ROR1: variants seen among roughly 807,000 people sequenced by gnomAD.
The protein encoded by ROR1 is inactive tyrosine-protein kinase transmembrane receptor ROR1.
ROR1 carries 19 observed loss-of-function variants against 78.8 expected under a neutral mutation model. The observed-to-expected ratio is 0.24, with a 90% confidence interval of 0.17 to 0.35. The LOEUF (loss-of-function observed/expected upper bound fraction) is 0.35, where lower values mean the gene tolerates loss of function less well. ROR1 is among the 10% of genes least tolerant of loss of function. The pLI, the probability that ROR1 is intolerant of heterozygous loss-of-function variation, is 1.00. For synonymous variants in ROR1, 386 were observed against 433.6 expected (o/e 0.89, Z 1.36); for missense variants, 917 against 1,177.8 (o/e 0.78, Z 3.24).
intron 1 of ROR1, among the ~76,000 whole-genome samples, chr1:63,900,201 C>A (rs1480212077): frequency 6.6e-6 from 1 of 152,136 alleles, no homozygotes; most frequent in African/African-American, 2.4e-5. Context: ...TGCTTGTAAT[C>A]CCAGCACCTT....
intron 7 of ROR1, among the ~76,000 whole-genome samples, chr1:64,157,285 G>A (rs1557678119): frequency 6.6e-6 from 1 of 152,078 alleles, no homozygotes; most frequent in East Asian, 1.9e-4. Context: ...CTACAGACAT[G>A]CACCACCATG....
At chr1:64,017,453 T>G (rs952509104) in intron 2 of ROR1, among the ~76,000 whole-genome samples, 1 of 152,172 alleles carries the variant, frequency 6.6e-6, no homozygotes, top group Admixed American at 6.5e-5. Context: ...ATGAGGGATA[T>G]GGAATTCTAT....
At chr1:63,847,249 G>A (rs1174848791) in intron 1 of ROR1, among the ~76,000 whole-genome samples, 2 of 152,118 alleles carry the variant, frequency 1.3e-5, no homozygotes, top group African/African-American at 4.8e-5. Context: ...GGGACTTGGA[G>A]GAATTCTCCC....
intron 1 of ROR1, among the ~76,000 whole-genome samples, chr1:63,855,344 C>A (rs917734279): frequency 4.6e-5 from 7 of 152,132 alleles, no homozygotes; most frequent in African/African-American, 1.7e-4. Context: ...GTTTTCCCAT[C>A]AAGATTGTAA....
At chr1:63,955,976 A>C (rs930209674) in intron 1 of ROR1, among the ~76,000 whole-genome samples, 5 of 152,162 alleles carry the variant, frequency 3.3e-5, no homozygotes, top group African/African-American at 1.2e-4. Flanking sequence ...AGAAGGCAGA[A>C]GGGCAGCTGC....
intron 5 of ROR1, among the ~76,000 whole-genome samples, chr1:64,138,346 G>A (rs960766278): frequency 1.3e-5 from 2 of 152,134 alleles, no homozygotes; most frequent in African/African-American, 4.8e-5. Flanking sequence ...TTTAGTATAA[G>A]TATGTCATAA....
Position 64,010,044 on chromosome 1 carries a change from G to A in ROR1, c.163+668G>A, listed in dbSNP as rs1256230163. ...CTTTATGCATTTCCAGCCAAATTTC[G>A]ATTTCTTCTTATACATCCTGTGCTT... On this transcript the variant is annotated intron_variant, in intron 2 of 8. Coordinates refer to ENST00000371079, the MANE Select transcript of ROR1 (RefSeq NM_005012.4). Among the ~76,000 whole-genome samples, 34 of 151,956 alleles carry A rather than the reference G, an allele frequency of 2.2e-4. 1 individual carries two copies. Among genetic ancestry groups the A allele is most frequent in the Non-Finnish European group, 2.9e-5 (2 of 68,012 alleles).
At chr1:64,157,754 T>C (rs540434026) in intron 7 of ROR1, among the ~76,000 whole-genome samples, 4 of 152,342 alleles carry the variant, frequency 2.6e-5, no homozygotes, top group South Asian at 2.1e-4. Flanking sequence ...TCTATTTTCC[T>C]TACCAGACGA....
At chr1:64,067,709 T>G (rs1646968633) in intron 4 of ROR1, among the ~76,000 whole-genome samples, 1 of 139,446 alleles carries the variant, frequency 7.2e-6, no homozygotes, top group Non-Finnish European at 1.5e-5. Context: ...TTAAATAAAT[T>G]CTTTTTTTTT....
At chr1:63,960,333 C>T (rs981906048) in intron 1 of ROR1, among the ~76,000 whole-genome samples, 2 of 152,166 alleles carry the variant, frequency 1.3e-5, no homozygotes, top group Non-Finnish European at 2.9e-5. Flanking sequence ...CGTCGAAGCA[C>T]GAGCATGCTT....
chr1:64,127,333 A>G (rs567462049), intron 4 of ROR1, among the ~76,000 whole-genome samples: 10 of 152,154 alleles, frequency 6.6e-5, no homozygotes, highest in Admixed American at 3.9e-4. Flanking sequence ...TTCTTCAACT[A>G]TAAAATGGAG....
intron 1 of ROR1, among the ~76,000 whole-genome samples, chr1:63,990,526 T>A (rs1000748808): frequency 2.0e-5 from 3 of 152,174 alleles, no homozygotes; most frequent in African/African-American, 7.2e-5. Context: ...TCTAAATGTC[T>A]TTTCTTTATG....
At chr1:64,010,318 A>G (rs1646465489) in intron 2 of ROR1, among the ~76,000 whole-genome samples, 1 of 149,572 alleles carries the variant, frequency 6.7e-6, no homozygotes, top group African/African-American at 2.5e-5. Context: ...TTATATACTT[A>G]TCTCACCCTT....
intron 4 of ROR1, among the ~76,000 whole-genome samples, chr1:64,119,755 T>G (rs1648459708): frequency 6.6e-6 from 1 of 151,718 alleles, no homozygotes; most frequent in Admixed American, 6.6e-5. Context: ...AGGACAGCCA[T>G]GTAAGGTGTA....
intron 1 of ROR1, among the ~76,000 whole-genome samples, chr1:63,882,694 C>G (rs1288578353): frequency 6.6e-6 from 1 of 152,146 alleles, no homozygotes; most frequent in Non-Finnish European, 1.5e-5. Context: ...TGTCACCAGT[C>G]TACAATGTGA....
At chr1:64,140,476 G>T in intron 6 of ROR1, 50 bp downstream of exon 6, 1 of 1,547,726 alleles carries the variant, frequency 6.5e-7, no homozygotes, top group Non-Finnish European at 8.8e-7. Context: ...TCAGCAACCT[G>T]TTGGCACAGG....
chr1:63,914,209 A>G (rs1645592143), intron 1 of ROR1, among the ~76,000 whole-genome samples: 1 of 152,240 alleles, frequency 6.6e-6, no homozygotes, highest in African/African-American at 2.4e-5. Flanking sequence ...TCAGAAGGTG[A>G]AGCAAAGAGG....
chr1:63,833,632 G>T (rs1256668262), intron 1 of ROR1, among the ~76,000 whole-genome samples: 3 of 152,112 alleles, frequency 2.0e-5, no homozygotes, highest in African/African-American at 7.2e-5. Flanking sequence ...AGTCAAGCAC[G>T]GGTTTGGAGG....
At chr1:63,921,708 G>A (rs1284570711) in intron 1 of ROR1, among the ~76,000 whole-genome samples, 1 of 151,986 alleles carries the variant, frequency 6.6e-6, no homozygotes. Context: ...CTAGAAGTCA[G>A]GAAACCTGTG....
Sources: allele counts gnomAD v4.1 joint callset (sites outside exome capture counted in the v4.1 genomes callset), GRCh38; gene constraint gnomAD v4.1.1; transcripts MANE v1.5; gene names NCBI Gene and HGNC (gene_info 2026-07-23, HGNC 2026-07-21).